The following IL7 variants were observed in gnomAD, a reference collection of about 807,000 sequenced individuals.
IL7 encodes the protein interleukin-7.
Under a neutral mutation model 21.6 loss-of-function variants are expected in IL7, and 3 were observed. That is an observed-to-expected ratio of 0.14 (90% CI 0.06 to 0.36). IL7 has a LOEUF of 0.36. Ranked by LOEUF, IL7 falls within the 10% of genes least tolerant of loss-of-function variation. The pLI is 1.00. For missense variants in IL7, 175 were observed against 200.2 expected (o/e 0.87, Z 0.76); for synonymous variants, 62 against 68.1 (o/e 0.91, Z 0.44).
At chr8:78,749,461 C>T (rs1020344935) in intron 2 of IL7, among the ~76,000 whole-genome samples, 1 of 151,960 alleles carries the variant, frequency 6.6e-6, no homozygotes, top group Non-Finnish European at 1.5e-5. Flanking sequence ...CAAACCACTG[C>T]CCTAAAGTTG....
intron 6 of IL7, chr8:78,718,296 C>A (rs1393784389): frequency 1.3e-5 from 2 of 151,944 alleles, no homozygotes; most frequent in East Asian, 3.9e-4. Flanking sequence ...TTTGCTAGTT[C>A]ATTTTTTGCT....
chr8:78,759,481 A>G (rs1380725034), intron 2 of IL7, among the ~76,000 whole-genome samples: 1 of 152,082 alleles, frequency 6.6e-6, no homozygotes, highest in Non-Finnish European at 1.5e-5. Flanking sequence ...TCAACCATGA[A>G]ACAGAAGTGT....
In IL7 at chr8:78,733,233, ATTG is replaced by A. The variant is rs1256227693; in HGVS notation, c.*477_*479del. The A allele has an allele frequency of 3.3e-5, 5 of 152,700 alleles. No homozygotes were observed. The highest frequency in any genetic ancestry group is 5.8e-5 in the Non-Finnish European group (4 of 68,476). The allele number at this position is 152,700 out of a possible 1,614,324, so 9.5% of individuals were successfully genotyped here. A position where few individuals can be genotyped will look rare whatever the true frequency, so the allele number is the denominator to read the frequency against. The stretch of plus-strand genomic sequence containing the variant: ...TTCTCACCGGCATTATCCATATATC[ATTG>A]TTAACTCTAAAACATCTCCAGCACA... On this transcript the variant is annotated 3_prime_UTR_variant, in exon 6 of 6. Coordinates refer to ENST00000263851, the MANE Select transcript of IL7 (RefSeq NM_000880.4).
intron 2 of IL7, among the ~76,000 whole-genome samples, chr8:78,787,751 C>G (rs1563436135): frequency 6.6e-6 from 1 of 152,176 alleles, no homozygotes. Flanking sequence ...GGCCTCTCTT[C>G]AAAGTGGAGT....
chr8:78,693,134 T>A (rs1025624384), intron 3 of IL7, among the ~76,000 whole-genome samples: 8 of 152,230 alleles, frequency 5.3e-5, no homozygotes, highest in Non-Finnish European at 1.0e-4. Context: ...TCTATCATTG[T>A]TGGACATTTG....
At chr8:78,739,702 AC>A (rs1811714976) in intron 3 of IL7, among the ~76,000 whole-genome samples, 1 of 151,928 alleles carries the variant, frequency 6.6e-6, no homozygotes, top group Non-Finnish European at 1.5e-5. Context: ...AAAAAAAAAA[AC>A]AAAGAAAGAA....
intron 2 of IL7, chr8:78,760,742 C>T: frequency 1.3e-6 from 2 of 1,565,150 alleles, no homozygotes; most frequent in South Asian, 1.2e-5. Flanking sequence ...TTCCAAGTTA[C>T]CCTGGTGAGC....
At chr8:78,725,823 ATTT>A (rs1811330299) in intron 3 of IL7, among the ~76,000 whole-genome samples, 1 of 152,034 alleles carries the variant, frequency 6.6e-6, no homozygotes, top group Admixed American at 6.6e-5. Context: ...AATCTGTGAC[ATTT>A]AATAGGCCTC....
At chr8:78,788,207 T>A (rs1462812465) in intron 2 of IL7, among the ~76,000 whole-genome samples, 1 of 152,138 alleles carries the variant, frequency 6.6e-6, no homozygotes, top group African/African-American at 2.4e-5. Flanking sequence ...AGAACCAGTT[T>A]TGGTTTCATT....
intron 2 of IL7, among the ~76,000 whole-genome samples, chr8:78,763,168 G>A (rs756706859): frequency 3.9e-5 from 6 of 152,240 alleles, no homozygotes; most frequent in Non-Finnish European, 7.3e-5. Flanking sequence ...TGGCCAATAT[G>A]CAGCCCCCTG....
chr8:78,768,956 C>A (rs937154037), intron 2 of IL7, among the ~76,000 whole-genome samples: 2 of 152,148 alleles, frequency 1.3e-5, no homozygotes, highest in Non-Finnish European at 2.9e-5. Context: ...TCAATAGATG[C>A]AGAAAAGGCC....
intron 3 of IL7, among the ~76,000 whole-genome samples, chr8:78,699,130 T>G (rs542966135): frequency 0.017 from 70 of 4,176 alleles, 1 homozygote; most frequent in African/African-American, 0.17. Context: ...AAGGTGATTC[T>G]GTTAGGAAAA....
At chr8:78,697,269 TCAC>T (rs1810452313) in intron 3 of IL7, 3 of 645,382 alleles carry the variant, frequency 4.6e-6, no homozygotes, top group South Asian at 4.6e-5. Context: ...GCAACCATCA[TCAC>T]CATTCATTTC....
At chr8:78,712,155 A>G (rs1810971929) in intron 3 of IL7, 4 of 1,106,536 alleles carry the variant, frequency 3.6e-6, no homozygotes, top group East Asian at 5.8e-5. Context: ...ATATTTCCTT[A>G]AAAGCTTTAT....
At chr8:78,701,125 C>T (rs1810588881) in intron 3 of IL7, among the ~76,000 whole-genome samples, 1 of 152,202 alleles carries the variant, frequency 6.6e-6, no homozygotes, top group Middle Eastern at 3.2e-3. Flanking sequence ...TATCCATGAG[C>T]ATGGAATATT....
At chr8:78,767,209 AGT>A (rs1300160084) in intron 2 of IL7, among the ~76,000 whole-genome samples, 2 of 151,678 alleles carry the variant, frequency 1.3e-5, no homozygotes, top group Admixed American at 6.6e-5. Flanking sequence ...TAGTGCATAC[AGT>A]GTGAGTGAGT....
At chr8:78,681,689 G>C (rs1462031961) in intron 4 of IL7, among the ~76,000 whole-genome samples, 1 of 152,060 alleles carries the variant, frequency 6.6e-6, no homozygotes, top group Non-Finnish European at 1.5e-5. Context: ...TTCTTTGTGG[G>C]AAGGAAAATA....
At chr8:78,798,249 C>G in intron 1 of IL7, 41 bp from the exon 2 acceptor site, 1 of 1,437,208 alleles carries the variant, frequency 7.0e-7, no homozygotes, top group Non-Finnish European at 9.6e-7. Context: ...AATGTTATAT[C>G]GTATTGCATT....
chr8:78,804,880 G>T (rs757687618), intron 1 of IL7, 33 bp downstream of exon 1: 12 of 1,612,126 alleles, frequency 7.4e-6, no homozygotes, highest in Non-Finnish European at 1.0e-5. Flanking sequence ...CGTCGGGCGC[G>T]CGAACTTGTG....
Sources: gnomAD v4.1 joint callset for allele counts (sites outside exome capture counted in the v4.1 genomes callset) on GRCh38, gnomAD v4.1.1 for gene constraint, MANE v1.5 for transcripts, NCBI Gene and HGNC (gene_info 2026-07-23, HGNC 2026-07-21) for gene names.